The following CACNA1H variants were observed in gnomAD, a reference collection of about 807,000 sequenced individuals.
CACNA1H encodes the protein calcium voltage-gated channel subunit alpha1 H, also known as voltage-dependent T-type calcium channel subunit alpha-1H.
Under a neutral mutation model 192.5 loss-of-function variants are expected in CACNA1H, and 149 were observed. The observed-to-expected ratio is 0.77, with a 90% confidence interval of 0.68 to 0.89. The LOEUF (loss-of-function observed/expected upper bound fraction) is 0.89. Ranked by LOEUF, CACNA1H falls within the 40% of genes least tolerant of loss-of-function variation. The pLI, the probability that CACNA1H is intolerant of heterozygous loss-of-function variation, is 0.00. For synonymous variants in CACNA1H, 2,202 were observed against 1,475.2 expected (o/e 1.49, Z -11.29); for missense variants, 4,257 against 3,423.5 (o/e 1.24, Z -6.08).
At chr16:1,214,759 C>G (rs181914540) in intron 27 of CACNA1H, among the ~76,000 whole-genome samples, 192 of 152,244 alleles carry the variant, frequency 1.3e-3, no homozygotes, top group African/African-American at 4.3e-3. Context: ...GTACCTTTCA[C>G]TCATTCACCT....
At chr16:1,159,850 C>G (rs760283816) in intron 2 of CACNA1H, 9 of 152,312 alleles carry the variant, frequency 5.9e-5, no homozygotes, top group African/African-American at 1.9e-4. Flanking sequence ...TCATTCTTGC[C>G]GGGGCCAGCT....
In CACNA1H at chr16:1,218,214, C is replaced by T; in HGVS notation, c.5450C>T (p.Thr1817Met). The change falls in exon 33 of 35, where the codon ACG becomes ATG. Residue 1817 changes from threonine to methionine, a missense_variant. By Grantham distance (81) the Thr-to-Met change is moderately conservative (BLOSUM62 -1). Transcript: ENST00000348261. ...GDNWNGIMKD[T>M]LRECSREDKH... Reference sequence around the variant, plus strand: ...CACAGCTGTCCCCCACCGCAGGACACGCTGCGCGAGTGCTCCCGTGAGGAC... The same window carrying T: ...CACAGCTGTCCCCCACCGCAGGACATGCTGCGCGAGTGCTCCCGTGAGGAC... 5 of 1,548,746 alleles carry T rather than the reference C, an allele frequency of 3.2e-6. No homozygotes were observed. Among genetic ancestry groups the T allele is most frequent in the East Asian group, 2.4e-5 (1 of 40,898 alleles).
intron 2 of CACNA1H, among the ~76,000 whole-genome samples, chr16:1,155,080 C>T (rs1221232555): frequency 2.0e-5 from 3 of 152,244 alleles, no homozygotes; most frequent in South Asian, 2.1e-4. Flanking sequence ...CACTTCCCTA[C>T]CTTGTGTGTT....
rs1229136501 is a variant in CACNA1H, at chr16:1,204,350, C to T, written c.2343C>T (p.Thr781=). The T allele has an allele frequency of 2.5e-6, 4 of 1,581,548 alleles. No homozygotes were observed. The highest frequency in any genetic ancestry group is 2.7e-5 in the African/African-American group (2 of 74,224). ...GCTGGATGGGCCGCCTCTGGGTTAC[C>T]TTCAGCGGCAAGCTGCGCCGCATCG... is the stretch of plus-strand genomic sequence containing the variant. ...EPGWMGRLWV[T]FSGKLRRIVD... The change falls in exon 10 of 35, where the codon ACC becomes ACT. Residue 781 remains threonine (T), a synonymous_variant. Transcript: ENST00000348261.
chr16:1,194,000 C>T (rs1966832826), intron 2 of CACNA1H, among the ~76,000 whole-genome samples: 1 of 152,106 alleles, frequency 6.6e-6, no homozygotes, highest in Non-Finnish European at 1.5e-5. Context: ...TGAGCGTGGC[C>T]CGTGTTGGGC....
In CACNA1H at chr16:1,220,791, A is replaced by C. The variant is rs1178431679; in HGVS notation, c.6859A>C (p.Ser2287Arg). The C allele has an allele frequency of 6.2e-7, 1 of 1,612,606 alleles. No individual in the cohort carries two copies. Among genetic ancestry groups the C allele is most frequent in the Non-Finnish European group, 8.5e-7 (1 of 1,179,802 alleles). ...SGDPFLDGSH[S>R]VTPESRASSS... ...AGACCCTTTCTTGGACGGTAGCCAC[A>C]GTGTGACCCCAGAATCCAGAGCTTC... Residue 2287 changes from serine (S) to arginine (R), a missense_variant, in exon 35 of 35, where the codon AGT becomes CGT. Transcript: ENST00000348261.
At chr16:1,166,696 T>C (rs1042246700) in intron 2 of CACNA1H, among the ~76,000 whole-genome samples, 3 of 152,064 alleles carry the variant, frequency 2.0e-5, no homozygotes, top group Non-Finnish European at 2.9e-5. Context: ...TCCCACGTGG[T>C]GTGGACTCCT....
intron 33 of CACNA1H, 88 bp from the exon 34 acceptor site, chr16:1,218,882 G>A (rs1441094862): frequency 1.2e-5 from 17 of 1,406,728 alleles, no homozygotes; most frequent in Admixed American, 6.0e-5. Context: ...AAGGAGGATG[G>A]TGGCAGGTTG....
chr16:1,193,049 C>T (rs1231140129), intron 2 of CACNA1H, among the ~76,000 whole-genome samples: 1 of 152,154 alleles, frequency 6.6e-6, no homozygotes, highest in African/African-American at 2.4e-5. Flanking sequence ...AGACCCCTGG[C>T]TCAGCCAGGC....
Position 1,194,984 on chromosome 16 carries a change from C to A in CACNA1H, c.312C>A (p.His104Gln). ...LRLVCNPWFE[H>Q]VSMLVIMLNC... The stretch of plus-strand genomic sequence containing the variant: ...CCCGCGGCGACACATGGTTCGAGCA[C>A]GTGAGCATGCTGGTAATCATGCTCA... Residue 104 changes from histidine (H) to glutamine (Q), a missense_variant, in exon 3 of 35, where the codon CAC becomes CAA. Physicochemically the swap from His to Gln is conservative, Grantham distance 24 (BLOSUM62 0). Coordinates refer to ENST00000348261, the MANE Select transcript of CACNA1H (RefSeq NM_021098.3). 6.2e-7 allele frequency: 1 copy of A among 1,611,432 alleles called. No individual in the cohort carries two copies. The highest frequency in any genetic ancestry group is 8.5e-7 in the Non-Finnish European group (1 of 1,178,808).
In CACNA1H at chr16:1,204,012, C is replaced by G. The variant is rs747987613; in HGVS notation, c.2005C>G (p.Leu669Val). ...CCTGTCTGTGCCCTCTCCCGCAGGACTGGGCCAGGCCCCTGGCCATCTGTC... is the reference window on the plus strand; with the variant it reads ...CCTGTCTGTGCCCTCTCCCGCAGGAGTGGGCCAGGCCCCTGGCCATCTGTC... ...KIPHVVGEHG[L>V]GQAPGHLSGL... Residue 669 changes from leucine (L) to valine (V), a missense_variant and splice_region_variant, in exon 10 of 35, where the codon CTG becomes GTG. Transcript: ENST00000348261. The G allele has an allele frequency of 7.1e-6, 11 of 1,543,402 alleles. No individual in the cohort carries two copies. The highest frequency in any genetic ancestry group is 1.4e-5 in the African/African-American group (1 of 73,102).
rs1369095627 is a variant in CACNA1H, at chr16:1,204,403, T to G, written c.2396T>G (p.Ile799Ser). The G allele has an allele frequency of 6.4e-7, 1 of 1,554,936 alleles. No individual in the cohort carries two copies. Among genetic ancestry groups the G allele is most frequent in the East Asian group, 2.3e-5 (1 of 44,394 alleles). Residue 799 changes from isoleucine (I) to serine (S), a missense_variant, in exon 10 of 35, where the codon ATC (isoleucine) becomes AGC (serine). Transcript: ENST00000348261. ...IVDSKYFSRG[I>S]MMAILVNTLS... ...GACAGCAAGTACTTCAGCCGTGGCA[T>G]CATGATGGCCATCCTTGTCAACACG...
chr16:1,187,594 C>T (rs1258515830), intron 2 of CACNA1H, among the ~76,000 whole-genome samples: 2 of 152,340 alleles, frequency 1.3e-5, no homozygotes, highest in South Asian at 2.1e-4. Context: ...CCCAGCCTCC[C>T]GATCCTCCCA....
At position 1,211,464 on chromosome 16, in the gene CACNA1H, C is replaced by T; in HGVS notation, c.4351-17C>T. The T allele has an allele frequency of 1.2e-6, 2 of 1,612,320 alleles. No homozygotes were observed. The highest frequency in any genetic ancestry group is 1.1e-5 in the South Asian group (1 of 91,068). On this transcript the variant is annotated splice_polypyrimidine_tract_variant and intron_variant, in intron 22 of 34. Coordinates refer to ENST00000348261, the MANE Select transcript of CACNA1H (RefSeq NM_021098.3). Reference sequence around the variant, plus strand: ...GCACAGGCCAGGCCCTCCGCGGTGACCGTCGCACCCCGTCAGCTCTTCAAA... The same window carrying T: ...GCACAGGCCAGGCCCTCCGCGGTGATCGTCGCACCCCGTCAGCTCTTCAAA...
At chr16:1,184,304 G>A (rs1306147487) in intron 2 of CACNA1H, among the ~76,000 whole-genome samples, 1 of 152,236 alleles carries the variant, frequency 6.6e-6, no homozygotes, top group Admixed American at 6.5e-5. Context: ...CTTACTGCCC[G>A]AGGCAGAGGC....
intron 30 of CACNA1H, among the ~76,000 whole-genome samples, chr16:1,215,799 T>A (rs1969977603): frequency 6.6e-6 from 1 of 152,136 alleles, no homozygotes. Flanking sequence ...CTCAATCCTC[T>A]GGGCAAGACT....
rs568033261 is a variant in CACNA1H at position 1,199,774 on chromosome 16, C to T, written c.804-482C>T. Among the ~76,000 whole-genome samples, 1,090 of 151,138 alleles carry T rather than the reference C, an allele frequency of 7.2e-3. 8 individuals carry two copies. The highest frequency in any genetic ancestry group is 0.024 in the African/African-American group (981 of 41,078). On this transcript the variant is annotated intron_variant, in intron 6 of 34. Transcript: ENST00000348261. ...GGGGTTCCCTGCCCTCAGCCCTCAC[C>T]CCTGGATCCTCTCAGCCCTCACCCC...
intron 2 of CACNA1H, among the ~76,000 whole-genome samples, chr16:1,171,718 C>T (rs1964386503): frequency 6.6e-6 from 1 of 152,192 alleles, no homozygotes; most frequent in African/African-American, 2.4e-5. Flanking sequence ...CACCACCCTC[C>T]CTCCCTCCTG....
chr16:1,185,529 G>A (rs887755523), intron 2 of CACNA1H, among the ~76,000 whole-genome samples: 8 of 145,988 alleles, frequency 5.5e-5, no homozygotes, highest in African/African-American at 1.6e-4. Flanking sequence ...CTGCTTTTCT[G>A]GGGAACCCTG....
Sources: gnomAD v4.1 joint callset for allele counts (sites outside exome capture counted in the v4.1 genomes callset) on GRCh38, gnomAD v4.1.1 for gene constraint, MANE v1.5 for transcripts, NCBI Gene and HGNC (gene_info 2026-07-23, HGNC 2026-07-21) for gene names.